EIF2S1: variants seen among roughly 807,000 people sequenced by gnomAD.
EIF2S1 encodes the protein eukaryotic translation initiation factor 2 subunit alpha, also known as eukaryotic translation initiation factor 2 subunit 1.
In EIF2S1, 5 loss-of-function variants were observed where a neutral mutation model predicts 33.5. That is an observed-to-expected ratio of 0.15 (90% CI 0.08 to 0.31). EIF2S1 has a LOEUF of 0.31. Ranked by LOEUF, EIF2S1 falls within the 10% of genes least tolerant of loss-of-function variation. The probability of loss-of-function intolerance (pLI) is 1.00; values close to 1 mark genes in which losing one functional copy is unlikely to be tolerated. For synonymous variants in EIF2S1, 99 were observed against 127.5 expected (o/e 0.78, Z 1.51); for missense variants, 191 against 384.6 (o/e 0.50, Z 4.21).
intron 2 of EIF2S1, among the ~76,000 whole-genome samples, chr14:67,366,527 C>A (rs995908216): frequency 1.2e-4 from 19 of 152,034 alleles, no homozygotes; most frequent in Admixed American, 6.6e-5. Context: ...TAACTAAAAC[C>A]AGGAAATGAC....
At position 67,367,937 on chromosome 14, in the gene EIF2S1, C is replaced by T. The variant is rs568758362; in HGVS notation, c.241+2929C>T. On this transcript the variant is annotated intron_variant, in intron 2 of 7. Coordinates refer to ENST00000256383, the MANE Select transcript of EIF2S1 (RefSeq NM_004094.5). ...GTAAATGTAAAAGACTATTTTTGCC[C>T]TTCTTAGTTTCTTTAAAAATATATT... is the stretch of plus-strand genomic sequence containing the variant. Among the ~76,000 whole-genome samples, 5 of 152,040 alleles carry T rather than the reference C, an allele frequency of 3.3e-5. No individual in the cohort carries two copies. In the East Asian group the frequency reaches 9.7e-4, roughly 29 times the overall value.
At chr14:67,368,906 T>C (rs2085799670) in intron 2 of EIF2S1, among the ~76,000 whole-genome samples, 1 of 151,972 alleles carries the variant, frequency 6.6e-6, no homozygotes, top group Non-Finnish European at 1.5e-5. Context: ...GCCAAAGATA[T>C]ATTAAAATGG....
intron 2 of EIF2S1, among the ~76,000 whole-genome samples, chr14:67,365,248 A>G (rs1010203241): frequency 6.6e-6 from 1 of 152,210 alleles, no homozygotes; most frequent in African/African-American, 2.4e-5. Flanking sequence ...TTTTATTTCT[A>G]GTGTTTATCA....
intron 2 of EIF2S1, 130 bp downstream of exon 2, chr14:67,365,138 A>G (rs2085766320): frequency 2.0e-6 from 2 of 1,023,364 alleles, no homozygotes; most frequent in Non-Finnish European, 2.7e-6. Context: ...TTTTACATAC[A>G]AAGTTGTTAG....
chr14:67,361,590 A>G (rs1056502105), intron 1 of EIF2S1, among the ~76,000 whole-genome samples: 3 of 152,254 alleles, frequency 2.0e-5, no homozygotes, highest in Non-Finnish European at 2.9e-5. Context: ...GTGAACTTCT[A>G]TATCCATTAT....
At position 67,381,524 on chromosome 14, in the gene EIF2S1, TTTGA is replaced by T. The variant is rs1291524800; in HGVS notation, c.581-66_581-63del. On this transcript the variant is annotated intron_variant, in intron 5 of 7. Transcript: ENST00000256383. ...TGAATACTAATATATCTGCCACGTG[TTTGA>T]TTTCCTTTAAACTTTTAAATATTTT... 3.7e-4 allele frequency: 464 copies of T among 1,259,844 alleles called. 5 individuals are homozygous for T. The Middle Eastern group carries it at 0.01, about 28-fold the overall frequency. 78.0% of individuals were successfully genotyped at this position (1,259,844 alleles called of 1,614,324 possible).
At chr14:67,373,818 A>G (rs184040132) in intron 2 of EIF2S1, among the ~76,000 whole-genome samples, 1 of 150,380 alleles carries the variant, frequency 6.6e-6, no homozygotes, top group Admixed American at 6.6e-5. Context: ...GTCATACAGT[A>G]GATTAGATAG....
At chr14:67,371,374 C>T (rs2085819950) in intron 2 of EIF2S1, among the ~76,000 whole-genome samples, 1 of 151,604 alleles carries the variant, frequency 6.6e-6, no homozygotes, top group South Asian at 2.1e-4. Context: ...GAGCTGTGAT[C>T]ACACTGCTGT....
At chr14:67,381,082 C>T (rs1361949943) in intron 5 of EIF2S1, among the ~76,000 whole-genome samples, 1 of 152,078 alleles carries the variant, frequency 6.6e-6, no homozygotes, top group Non-Finnish European at 1.5e-5. Flanking sequence ...ACATACCATG[C>T]GGAATTTTCT....
Position 67,384,820 on chromosome 14 carries a change from G to A in EIF2S1, c.*1380G>A, listed in dbSNP as rs1316737057. On this transcript the variant is annotated 3_prime_UTR_variant, in exon 8 of 8. Transcript: ENST00000256383. ...GATTGCTAGCCAGCATTCCATATTG[G>A]GAATATGTAGAGGAGAACCTGGATG... The A allele has an allele frequency of 6.6e-6, 1 of 152,114 alleles. No homozygotes were observed. The highest frequency in any genetic ancestry group is 1.5e-5 in the Non-Finnish European group (1 of 68,028). The allele number at this position is 152,114 out of a possible 1,614,324, so 9.4% of individuals were successfully genotyped here. A position where few individuals can be genotyped will look rare whatever the true frequency, so the allele number is the denominator to read the frequency against.
At chr14:67,373,932 A>G (rs1235249042) in intron 2 of EIF2S1, among the ~76,000 whole-genome samples, 1 of 151,822 alleles carries the variant, frequency 6.6e-6, no homozygotes, top group Non-Finnish European at 1.5e-5. Context: ...GAATTTTCCT[A>G]TTCTGGAGAA....
At chr14:67,383,238 TA>T (rs2085899422) in intron 7 of EIF2S1, 76 bp from the exon 8 acceptor site, 2 of 1,482,296 alleles carry the variant, frequency 1.3e-6, no homozygotes, top group Non-Finnish European at 1.8e-6. Context: ...GAGAAAACAT[TA>T]GGCAGTAATA....
In EIF2S1 at chr14:67,384,668, A is replaced by G. The variant is rs1338305019; in HGVS notation, c.*1228A>G. On this transcript the variant is annotated 3_prime_UTR_variant, in exon 8 of 8. Coordinates refer to ENST00000256383, the MANE Select transcript of EIF2S1 (RefSeq NM_004094.5). ...TATTAAAGGGTCTGGAAAATAGAAG[A>G]GTGTGTTGGGCAGGTAGTTTGTACC... The G allele has an allele frequency of 6.6e-6, 1 of 152,210 alleles. No individual in the cohort carries two copies. The highest frequency in any genetic ancestry group is 2.4e-5 in the African/African-American group (1 of 41,442). 9.4% of individuals were successfully genotyped at this position (152,210 alleles called of 1,614,324 possible).
chr14:67,361,227 A>T (rs1488490474), intron 1 of EIF2S1, among the ~76,000 whole-genome samples: 1 of 152,212 alleles, frequency 6.6e-6, no homozygotes. Context: ...TTAAGCAAAA[A>T]ACATGGTTTC....
At chr14:67,367,703 G>T (rs1260326690) in intron 2 of EIF2S1, among the ~76,000 whole-genome samples, 1 of 147,808 alleles carries the variant, frequency 6.8e-6, no homozygotes, top group Non-Finnish European at 1.5e-5. Flanking sequence ...TGGGCGTGGT[G>T]GTGCACCCTG....
At chr14:67,382,628 A>G in intron 7 of EIF2S1, 38 bp downstream of exon 7, 2 of 1,611,776 alleles carry the variant, frequency 1.2e-6, no homozygotes, top group Non-Finnish European at 8.5e-7. Flanking sequence ...ATGACTCAGG[A>G]GGTTCCTAAA....
At position 67,375,458 on chromosome 14, in the gene EIF2S1, C is replaced by G. The variant is rs2085852524; in HGVS notation, c.321+911C>G. On this transcript the variant is annotated intron_variant, in intron 3 of 7. Coordinates refer to ENST00000256383, the MANE Select transcript of EIF2S1 (RefSeq NM_004094.5). ...CTTAGTGGTACTGTTTGTATTGCTT[C>G]TGTTTTCTTTGCCCTTCTCTGGTGT... Among the ~76,000 whole-genome samples the G allele has an allele frequency of 2.0e-5, 3 of 151,450 alleles. No individual in the cohort carries two copies. The South Asian group carries it at 6.2e-4, about 31-fold the overall frequency.
At chr14:67,367,525 C>T (rs201803190) in intron 2 of EIF2S1, among the ~76,000 whole-genome samples, 2 of 145,966 alleles carry the variant, frequency 1.4e-5, no homozygotes, top group South Asian at 2.2e-4. Context: ...CACCACGCCC[C>T]ACCCCATCCA....
chr14:67,373,411 C>T (rs2085837302), intron 2 of EIF2S1, among the ~76,000 whole-genome samples: 1 of 152,042 alleles, frequency 6.6e-6, no homozygotes, highest in Admixed American at 6.5e-5. Flanking sequence ...AAACTACAAC[C>T]AATTTAATAG....
Sources: gnomAD v4.1 joint callset for allele counts (sites outside exome capture counted in the v4.1 genomes callset) on GRCh38, gnomAD v4.1.1 for gene constraint, MANE v1.5 for transcripts, NCBI Gene and HGNC (gene_info 2026-07-23, HGNC 2026-07-21) for gene names.